Variants in SGCZ observed in about 807,000 individuals in gnomAD.
SGCZ encodes sarcoglycan zeta, also known as zeta-sarcoglycan.
Under a neutral mutation model 41.3 loss-of-function variants are expected in SGCZ, and 40 were observed. The observed-to-expected ratio is 0.97, with a 90% CI of 0.75 to 1.26. SGCZ has a LOEUF of 1.26. SGCZ is among the 50% of genes most tolerant of loss of function. The probability of loss-of-function intolerance (pLI) is 0.00; values close to 1 mark genes in which losing one functional copy is unlikely to be tolerated. For missense variants in SGCZ, 552 were observed against 369.8 expected (o/e 1.49, Z -4.04); for synonymous variants, 206 against 137.5 (o/e 1.50, Z -3.49).
chr8:14,280,510 T>G (rs553537107), intron 3 of SGCZ, among the ~76,000 whole-genome samples: 31 of 152,000 alleles, frequency 2.0e-4, no homozygotes, highest in African/African-American at 7.5e-4. Flanking sequence ...TATATCCATA[T>G]GAAATATGAC....
At chr8:14,822,773 T>C (rs921010064) in intron 1 of SGCZ, among the ~76,000 whole-genome samples, 1 of 151,900 alleles carries the variant, frequency 6.6e-6, no homozygotes, top group African/African-American at 2.4e-5. Flanking sequence ...GATATCCACA[T>C]TAAGAACAAA....
intron 1 of SGCZ, among the ~76,000 whole-genome samples, chr8:14,874,289 G>C (rs1312509291): frequency 6.6e-6 from 1 of 152,056 alleles, no homozygotes; most frequent in Non-Finnish European, 1.5e-5. Flanking sequence ...TGTTTAATTA[G>C]ACATAATGAT....
At chr8:14,100,283 C>A (rs539207676) in intron 7 of SGCZ, among the ~76,000 whole-genome samples, 2 of 151,378 alleles carry the variant, frequency 1.3e-5, no homozygotes, top group South Asian at 2.1e-4. Flanking sequence ...AAGGACTCTG[C>A]TGATACCATG....
intron 1 of SGCZ, among the ~76,000 whole-genome samples, chr8:15,212,020 A>G (rs1039172039): frequency 1.3e-5 from 2 of 152,180 alleles, no homozygotes; most frequent in South Asian, 2.1e-4. Flanking sequence ...TTGAGTGTCT[A>G]CATTAGTCAA....
intron 3 of SGCZ, among the ~76,000 whole-genome samples, chr8:14,313,384 G>A (rs1801609565): frequency 6.6e-6 from 1 of 152,134 alleles, no homozygotes. Flanking sequence ...CGCCATCTCG[G>A]CTCACTGCAT....
At chr8:15,188,606 T>C (rs1800425371) in intron 1 of SGCZ, among the ~76,000 whole-genome samples, 1 of 152,150 alleles carries the variant, frequency 6.6e-6, no homozygotes, top group Admixed American at 6.5e-5. Flanking sequence ...CCAAGTAAAA[T>C]TCCTGTTGTG....
chr8:15,217,403 C>A (rs1266516776), intron 1 of SGCZ, among the ~76,000 whole-genome samples: 1 of 134,026 alleles, frequency 7.5e-6, no homozygotes, highest in Non-Finnish European at 1.6e-5. Context: ...GGAGACACAG[C>A]GAGACTCCGT....
chr8:14,562,018 T>C (rs748940059), intron 1 of SGCZ, among the ~76,000 whole-genome samples: 12 of 152,108 alleles, frequency 7.9e-5, no homozygotes, highest in Non-Finnish European at 1.8e-4. Context: ...TGGAATCACC[T>C]AAACATGGTT....
intron 5 of SGCZ, among the ~76,000 whole-genome samples, chr8:14,110,916 G>T (rs1296778652): frequency 6.6e-6 from 1 of 151,996 alleles, no homozygotes; most frequent in Non-Finnish European, 1.5e-5. Flanking sequence ...AATTAGCTGG[G>T]CATGGTGGTG....
At chr8:14,481,004 A>C (rs1270362338) in intron 2 of SGCZ, among the ~76,000 whole-genome samples, 1 of 152,106 alleles carries the variant, frequency 6.6e-6, no homozygotes, top group East Asian at 1.9e-4. Context: ...TATATTTATC[A>C]ATAGATGCTC....
At chr8:15,172,184 C>T (rs1470072566) in intron 1 of SGCZ, among the ~76,000 whole-genome samples, 1 of 22,670 alleles carries the variant, frequency 4.4e-5, no homozygotes, top group Non-Finnish European at 8.9e-5. Context: ...TTTTTTGAGA[C>T]GGAGTTTCGC....
intron 2 of SGCZ, among the ~76,000 whole-genome samples, chr8:14,550,814 A>T (rs1803781959): frequency 6.6e-6 from 1 of 152,066 alleles, no homozygotes; most frequent in South Asian, 2.1e-4. Context: ...AGCAGATGCC[A>T]AGTGACCAAA....
intron 2 of SGCZ, among the ~76,000 whole-genome samples, chr8:14,493,604 G>A (rs550540018): frequency 2.0e-5 from 3 of 151,480 alleles, no homozygotes; most frequent in African/African-American, 7.3e-5. Context: ...GTGACCTCAT[G>A]ATCTGCCCAC....
intron 2 of SGCZ, among the ~76,000 whole-genome samples, chr8:14,502,835 CTT>C (rs759712806): frequency 1.3e-5 from 2 of 152,146 alleles, no homozygotes; most frequent in Admixed American, 6.6e-5. Context: ...AATAGGAACA[CTT>C]TATACTGTTG....
intron 1 of SGCZ, among the ~76,000 whole-genome samples, chr8:15,118,608 G>A (rs766366944): frequency 6.6e-6 from 1 of 152,038 alleles, no homozygotes; most frequent in Admixed American, 6.5e-5. Flanking sequence ...TAGTTCAAAG[G>A]GTCTCTTTTC....
intron 2 of SGCZ, among the ~76,000 whole-genome samples, chr8:14,409,130 T>C (rs1799292621): frequency 6.6e-6 from 1 of 152,090 alleles, no homozygotes; most frequent in African/African-American, 2.4e-5. Context: ...TTGAACTGAT[T>C]ATTACAGAGA....
intron 2 of SGCZ, among the ~76,000 whole-genome samples, chr8:14,364,756 T>G (rs965982101): frequency 6.6e-6 from 1 of 152,166 alleles, no homozygotes; most frequent in Non-Finnish European, 1.5e-5. Context: ...TTTTAGTTTA[T>G]TATCATTTGC....
chr8:15,127,640 C>T (rs1297357272), intron 1 of SGCZ, among the ~76,000 whole-genome samples: 2 of 152,084 alleles, frequency 1.3e-5, no homozygotes, highest in African/African-American at 2.4e-5. Flanking sequence ...ATCAGCACTT[C>T]TTGGATATTT....
At position 14,651,210 on chromosome 8, in the gene SGCZ, G is replaced by GA. The variant is rs559070925; in HGVS notation, c.40-96285dup. Among the ~76,000 whole-genome samples, 164 of 152,134 alleles carry GA rather than the reference G, an allele frequency of 1.1e-3. 3 individuals carry two copies. The highest frequency in any genetic ancestry group is 3.8e-3 in the African/African-American group (159 of 41,494). On this transcript the variant is annotated intron_variant, in intron 1 of 7. Coordinates refer to ENST00000382080, the MANE Select transcript of SGCZ (RefSeq NM_139167.4). ...GATAAACAAAATATCAATCAGATAT[G>GA]AAAAAGTAGATTGCTCCTAAAAATT...
Sources: allele counts gnomAD v4.1 joint callset (sites outside exome capture counted in the v4.1 genomes callset), GRCh38; gene constraint gnomAD v4.1.1; transcripts MANE v1.5; gene names NCBI Gene and HGNC (gene_info 2026-07-23, HGNC 2026-07-21).